Variants in SINHCAF observed in about 807,000 individuals in gnomAD.
The protein encoded by SINHCAF is SIN3-HDAC complex associated factor.
A neutral mutation model predicts 25.8 loss-of-function variants in SINHCAF; 3 were observed. The observed-to-expected ratio is 0.12, with a 90% CI of 0.05 to 0.30. SINHCAF has a LOEUF of 0.30. Ranked by LOEUF, SINHCAF falls within the 10% of genes least tolerant of loss-of-function variation. The pLI, the probability that SINHCAF is intolerant of heterozygous loss-of-function variation, is 1.00. For synonymous variants in SINHCAF, 70 were observed against 85.5 expected, an observed-to-expected ratio of 0.82 and a Z score of 1.00; for missense variants, 121 against 262.3, an observed-to-expected ratio of 0.46 and a Z score of 3.72.
In SINHCAF at chr12:31,282,579, G is replaced by A. The variant is rs1418289001; in HGVS notation, c.*133C>T. On this transcript the variant is annotated 3_prime_UTR_variant, in exon 6 of 6. Coordinates refer to ENST00000337682, the MANE Select transcript of SINHCAF (RefSeq NM_001135812.2). ...GGAAGTTGCAGTGAGCCAAGATCAC[G>A]CCACTGCACTCCAGCCTGGGTAACA... The A allele has an allele frequency of 2.4e-5, 16 of 677,326 alleles. No individual in the cohort carries two copies. Among genetic ancestry groups the A allele is most frequent in the African/African-American group, 1.5e-4 (8 of 52,944 alleles). The allele number at this position is 677,326 out of a possible 1,614,324, so 42.0% of individuals were successfully genotyped here. A position where few individuals can be genotyped will look rare whatever the true frequency, so the allele number is the denominator to read the frequency against.
chr12:31,312,832 C>T (rs1016347581), intron 1 of SINHCAF, among the ~76,000 whole-genome samples: 6 of 152,168 alleles, frequency 3.9e-5, no homozygotes, highest in African/African-American at 1.4e-4. Context: ...GAAATCTTTG[C>T]TTTCCTCCAG....
chr12:31,284,039 A>C (rs1216999109), intron 5 of SINHCAF, among the ~76,000 whole-genome samples: 1 of 152,214 alleles, frequency 6.6e-6, no homozygotes. Context: ...TTAATGTATA[A>C]ATCAGTGGAC....
intron 4 of SINHCAF, among the ~76,000 whole-genome samples, chr12:31,288,483 T>A (rs889068997): frequency 6.6e-6 from 1 of 152,112 alleles, no homozygotes; most frequent in African/African-American, 2.4e-5. Context: ...AGGATTTTCA[T>A]TATGGCCCAC....
chr12:31,324,185 G>GGCGCCTCCCGCAGGCC lies in SINHCAF; in HGVS notation c.-21+1823_-21+1838dup, dbSNP rs1045282398. Reference sequence around the variant, plus strand: ...AACGGGCCCCGCGCCAGCCCGGCCCGGCGCCTCCCGCAGGCCGCGCCTCCC... The same window carrying GGCGCCTCCCGCAGGCC: ...AACGGGCCCCGCGCCAGCCCGGCCCGGCGCCTCCCGCAGGCCGCGCCTCCCGCAGGCCGCGCCTCCC... On this transcript the variant is annotated intron_variant, in intron 1 of 5. Coordinates refer to ENST00000337682, the MANE Select transcript of SINHCAF (RefSeq NM_001135812.2). This position sits in a 1 kb window ranked among gnomAD's most constrained non-coding sequence, Gnocchi z 5.5. 2.6e-4 allele frequency: 58 copies of GGCGCCTCCCGCAGGCC among 220,708 alleles called. No homozygotes were observed. Among genetic ancestry groups the GGCGCCTCCCGCAGGCC allele is most frequent in the South Asian group, 2.3e-3 (41 of 17,456 alleles). 13.7% of individuals were successfully genotyped at this position (220,708 alleles called of 1,614,324 possible).
chr12:31,311,826 T>TG (rs770834654), intron 1 of SINHCAF: 4 of 483,418 alleles, frequency 8.3e-6, no homozygotes, highest in Non-Finnish European at 1.6e-5. Flanking sequence ...AGACCAAAGA[T>TG]GGGAGGAATG....
rs1455321155 is a variant in SINHCAF at position 31,287,625 on chromosome 12, TTC to T, written c.506+7_506+8del. The T allele has an allele frequency of 2.5e-6, 4 of 1,579,618 alleles. No homozygotes were observed. The South Asian group carries it at 4.6e-5, about 18-fold the overall frequency. On this transcript the variant is annotated splice_region_variant and intron_variant, in intron 5 of 5. Coordinates refer to ENST00000337682, the MANE Select transcript of SINHCAF (RefSeq NM_001135812.2). ...TTTGCTGGTTAGAGAGATACTTTGT[TTC>T]TTTTACCTTTTCCAGTAAGTGAGAT...
At chr12:31,323,696 C>G (rs911490240) in intron 1 of SINHCAF, among the ~76,000 whole-genome samples, 1 of 152,136 alleles carries the variant, frequency 6.6e-6, no homozygotes, top group African/African-American at 2.4e-5. Flanking sequence ...CCCCGCTCCC[C>G]CCACCCCCTA....
In SINHCAF at chr12:31,324,456, C is replaced by CG. The variant is rs1252331934; in HGVS notation, c.-21+1567dup. On this transcript the variant is annotated intron_variant, in intron 1 of 5. Coordinates refer to ENST00000337682, the MANE Select transcript of SINHCAF (RefSeq NM_001135812.2). This position sits in a 1 kb window ranked among gnomAD's most constrained non-coding sequence, Gnocchi z 5.5. ...CGGTCGCCCGCCCGCACGCCCGGAGCGGGGAAGCACGCCGCCTCCCTACGC... is the reference window on the plus strand; with the variant it reads ...CGGTCGCCCGCCCGCACGCCCGGAGCGGGGGAAGCACGCCGCCTCCCTACGC... 6.2e-6 allele frequency: 1 copy of CG among 160,392 alleles called. No individual in the cohort carries two copies. Among genetic ancestry groups the CG allele is most frequent in the African/African-American group, 2.4e-5 (1 of 41,470 alleles). 9.9% of individuals were successfully genotyped at this position (160,392 alleles called of 1,614,324 possible).
rs114360775 is a variant in SINHCAF at position 31,312,778 on chromosome 12, T to C, written c.-21+13246A>G. ...CCTAATTTTAATGTAGTACAAATTATCAGCATTTTCTTTTGTAGCTAGCTC... is the reference window on the plus strand; with the variant it reads ...CCTAATTTTAATGTAGTACAAATTACCAGCATTTTCTTTTGTAGCTAGCTC... On this transcript the variant is annotated intron_variant, in intron 1 of 5. Coordinates refer to ENST00000337682, the MANE Select transcript of SINHCAF (RefSeq NM_001135812.2). Among the ~76,000 whole-genome samples, 972 of 152,344 alleles carry C rather than the reference T, an allele frequency of 6.4e-3. 18 individuals carry two copies. Among genetic ancestry groups the C allele is most frequent in the African/African-American group, 0.023 (936 of 41,590 alleles).
At chr12:31,286,649 C>G (rs1011836393) in intron 5 of SINHCAF, among the ~76,000 whole-genome samples, 2 of 94,954 alleles carry the variant, frequency 2.1e-5, no homozygotes, top group Non-Finnish European at 4.1e-5. Context: ...GCAACAAGAG[C>G]AAAACTCCGT....
At position 31,299,477 on chromosome 12, in the gene SINHCAF, C is replaced by T. The variant is rs149704194; in HGVS notation, c.-20-1253G>A. Among the ~76,000 whole-genome samples, 434 of 152,102 alleles carry T rather than the reference C, an allele frequency of 2.9e-3. 5 individuals carry two copies. The highest frequency in any genetic ancestry group is 9.5e-3 in the African/African-American group (392 of 41,466). On this transcript the variant is annotated intron_variant, in intron 1 of 5. Coordinates refer to ENST00000337682, the MANE Select transcript of SINHCAF (RefSeq NM_001135812.2). ...GACTACAGGTGCCCGCCACCACACC[C>T]GGCTAACTTTTTGTATTTTTAGTAG...
chr12:31,314,188 G>A (rs957960358), intron 1 of SINHCAF, among the ~76,000 whole-genome samples: 2 of 151,944 alleles, frequency 1.3e-5, no homozygotes, highest in Non-Finnish European at 2.9e-5. Flanking sequence ...AGAAAGAGAT[G>A]GCAGAAGAAG....
chr12:31,298,273 G>C, intron 1 of SINHCAF, 49 bp from the exon 2 acceptor site: 1 of 1,603,814 alleles, frequency 6.2e-7, no homozygotes, highest in East Asian at 2.2e-5. Context: ...CTGTAACAAG[G>C]AACCATTAAA....
chr12:31,305,451 A>T (rs1253176456), intron 1 of SINHCAF, among the ~76,000 whole-genome samples: 1 of 152,138 alleles, frequency 6.6e-6, no homozygotes, highest in Non-Finnish European at 1.5e-5. Context: ...TTCCAGTTAC[A>T]ATTTCATGAG....
At chr12:31,299,407 C>T (rs1938691764) in intron 1 of SINHCAF, among the ~76,000 whole-genome samples, 1 of 151,974 alleles carries the variant, frequency 6.6e-6, no homozygotes, top group Non-Finnish European at 1.5e-5. Context: ...AGCTCTGCCT[C>T]CCAGGTTCAA....
At position 31,298,184 on chromosome 12, in the gene SINHCAF, T is replaced by C; in HGVS notation, c.21A>G (p.Pro7=). The C allele has an allele frequency of 6.2e-7, 1 of 1,614,182 alleles. No homozygotes were observed. Among genetic ancestry groups the C allele is most frequent in the Admixed American group, 1.7e-5 (1 of 60,018 alleles). The part of the protein sequence containing the change: MFGFHK[P]KMYRSIEGCC... The stretch of plus-strand genomic sequence containing the variant: ...AGCCCTCTATACTTCGGTACATCTT[T>C]GGCTTGTGAAAACCAAACATCTTTT... The change falls in exon 2 of 6, where the codon CCA becomes CCG. Residue 7 remains proline, a synonymous_variant. Coordinates refer to ENST00000337682, the MANE Select transcript of SINHCAF (RefSeq NM_001135812.2).
chr12:31,284,629 G>A (rs1937956879), intron 5 of SINHCAF, among the ~76,000 whole-genome samples: 1 of 152,040 alleles, frequency 6.6e-6, no homozygotes, highest in Non-Finnish European at 1.5e-5. Context: ...ATGGTGTGAG[G>A]TAGGGAACCC....
In SINHCAF at chr12:31,298,219, A is replaced by G. The variant is rs11051380; in HGVS notation, c.-15T>C. 7.7e-4 allele frequency: 1,242 copies of G among 1,613,848 alleles called. 9 individuals are homozygous for G. In the African/African-American group the frequency reaches 0.014, roughly 18 times the overall value. On this transcript the variant is annotated 5_prime_UTR_variant, in exon 2 of 6. Transcript: ENST00000337682. ...AAACCAAACATCTTTTCTTCTGGGC[A>G]ATAGTCTGTAAAGCCAAGGGAATTG...
chr12:31,309,743 G>A lies in SINHCAF; in HGVS notation c.-20-11519C>T, dbSNP rs575478728. Among the ~76,000 whole-genome samples, 10 of 145,036 alleles carry A rather than the reference G, an allele frequency of 6.9e-5. No homozygotes were observed. In the South Asian group the frequency reaches 1.3e-3, roughly 19 times the overall value. On this transcript the variant is annotated intron_variant, in intron 1 of 5. Coordinates refer to ENST00000337682, the MANE Select transcript of SINHCAF (RefSeq NM_001135812.2). ...TGCAATGGTGTGATCTCGGCTCACCGCAACCTCCGCCTCCCAGGTTCAAGC... is the reference window on the plus strand; with the variant it reads ...TGCAATGGTGTGATCTCGGCTCACCACAACCTCCGCCTCCCAGGTTCAAGC...
Sources: gnomAD v4.1 joint callset for allele counts (sites outside exome capture counted in the v4.1 genomes callset) on GRCh38, gnomAD v4.1.1 for gene constraint, Gnocchi (gnomAD v3.1) non-coding constraint, MANE v1.5 for transcripts, NCBI Gene and HGNC (gene_info 2026-07-23, HGNC 2026-07-21) for gene names.